The following EPHB2 variants were observed in gnomAD, a reference collection of about 807,000 sequenced individuals.
EPHB2 encodes the protein EPH receptor B2.
In EPHB2, 18 loss-of-function variants were observed where a neutral mutation model predicts 96.4. The observed-to-expected ratio is 0.19, with a 90% CI of 0.13 to 0.28. The LOEUF is 0.28. Among genes scored for constraint, EPHB2 ranks in the 10% least tolerant of loss-of-function variants. EPHB2 has a pLI of 1.00. For synonymous variants in EPHB2, 506 were observed against 534.1 expected (o/e 0.95, Z 0.72); for missense variants, 989 against 1,355.4 (o/e 0.73, Z 4.25).
At chr1:22,811,268 G>A (rs12723359) in intron 3 of EPHB2, among the ~76,000 whole-genome samples, 89,290 of 151,906 alleles carry the variant, frequency 0.59, 27,698 homozygotes, top group Non-Finnish European at 0.7. Context: ...GGCCAAGTTC[G>A]GGTCCAACGT....
intron 1 of EPHB2, among the ~76,000 whole-genome samples, chr1:22,765,591 A>G (rs1466555530): frequency 6.8e-6 from 1 of 147,390 alleles, no homozygotes; most frequent in African/African-American, 2.5e-5. Flanking sequence ...GAGCACCGGC[A>G]TTCTCCTTTG....
At chr1:22,729,691 G>A (rs991721994) in intron 1 of EPHB2, among the ~76,000 whole-genome samples, 1 of 152,186 alleles carries the variant, frequency 6.6e-6, no homozygotes. Context: ...AGTGTTCCCA[G>A]AGCATAGCTC....
rs140847663 is a variant in EPHB2, at chr1:22,897,316, G to A, written c.1765+838G>A. ...CTTACTTCAGCTCACTCAGCAAAAA[G>A]GAGTTCTAAATGGGTCCAACATTCA... On this transcript the variant is annotated intron_variant, in intron 9 of 15. Transcript: ENST00000374630. Among the ~76,000 whole-genome samples, 197 of 152,302 alleles carry A rather than the reference G, an allele frequency of 1.3e-3. 1 individual carries two copies. Among genetic ancestry groups the A allele is most frequent in the African/African-American group, 4.6e-3 (191 of 41,562 alleles).
At chr1:22,724,400 A>G (rs1338236508) in intron 1 of EPHB2, among the ~76,000 whole-genome samples, 1 of 152,208 alleles carries the variant, frequency 6.6e-6, no homozygotes, top group Non-Finnish European at 1.5e-5. Flanking sequence ...TGCCTGGCAC[A>G]CAGTAGGACT....
chr1:22,732,765 T>C (rs1429999765), intron 1 of EPHB2, among the ~76,000 whole-genome samples: 5 of 152,166 alleles, frequency 3.3e-5, no homozygotes, highest in Non-Finnish European at 1.5e-5. Context: ...CATTGATATC[T>C]CCATTGCTCC....
At chr1:22,866,518 C>T (rs913581317) in intron 5 of EPHB2, among the ~76,000 whole-genome samples, 1 of 152,058 alleles carries the variant, frequency 6.6e-6, no homozygotes, top group African/African-American at 2.4e-5. Context: ...CCTGCCTCAG[C>T]CTCCCAAAGT....
intron 3 of EPHB2, among the ~76,000 whole-genome samples, chr1:22,819,411 C>T (rs1475302881): frequency 6.6e-6 from 1 of 152,102 alleles, no homozygotes; most frequent in African/African-American, 2.4e-5. Flanking sequence ...GGATCCAGGT[C>T]GAAGGGCAGT....
intron 1 of EPHB2, among the ~76,000 whole-genome samples, chr1:22,778,240 T>G (rs7541869): frequency 0.69 from 104,640 of 151,972 alleles, 38,216 homozygotes; most frequent in Non-Finnish European, 0.82. Flanking sequence ...TGGCCAGGCT[T>G]GTCTCGAACT....
Position 22,909,015 on chromosome 1 carries a change from CT to C in EPHB2, c.2353-6del, listed in dbSNP as rs1228968044. ...CACCCACAAACCCTCCTCTTTCTGT[CT>C]CCCAGGGCGGAAAGATCCCCATCCG... On this transcript the variant is annotated splice_polypyrimidine_tract_variant and splice_region_variant and intron_variant, in intron 12 of 15. Coordinates refer to ENST00000374630, the MANE Select transcript of EPHB2 (RefSeq NM_017449.5). The C allele has an allele frequency of 2.5e-6, 4 of 1,614,034 alleles. No homozygotes were observed.
rs893046565 is a variant in EPHB2 at position 22,790,694 on chromosome 1, A to G, written c.811+5618A>G. Among the ~76,000 whole-genome samples the G allele has an allele frequency of 6.6e-6, 1 of 152,220 alleles. No homozygotes were observed. The highest frequency in any genetic ancestry group is 1.5e-5 in the Non-Finnish European group (1 of 68,046). On this transcript the variant is annotated intron_variant, in intron 3 of 15. Coordinates refer to ENST00000374630, the MANE Select transcript of EPHB2 (RefSeq NM_017449.5). This position sits in a 1 kb window ranked among gnomAD's most constrained non-coding sequence, Gnocchi z 4.0. ...TTGCTCTGTTCTCTCCCAGTGGCCA[A>G]CCCGCATCTGCGAGGGATCTGGAGG... is the stretch of plus-strand genomic sequence containing the variant.
At chr1:22,834,258 G>C (rs1441083515) in intron 3 of EPHB2, among the ~76,000 whole-genome samples, 3 of 152,098 alleles carry the variant, frequency 2.0e-5, no homozygotes, top group South Asian at 2.1e-4. Context: ...TCTCATACAG[G>C]ACCACAAACC....
intron 3 of EPHB2, among the ~76,000 whole-genome samples, chr1:22,853,898 G>T (rs1358668167): frequency 6.6e-6 from 1 of 152,240 alleles, no homozygotes; most frequent in Non-Finnish European, 1.5e-5. Context: ...GCGAGGCCTG[G>T]GTGCCCCCTT....
rs1042407289 is a variant in EPHB2 at position 22,806,520 on chromosome 1, T to C, written c.811+21444T>C. 6.4e-4 allele frequency among the ~76,000 whole-genome samples: 96 copies of C among 149,586 alleles called. 1 individual carries two copies. The highest frequency in any genetic ancestry group is 1.2e-3 in the East Asian group (6 of 4,882). ...ACGGACGGACGGATGGATGGATGGA[T>C]GGATGGATGGATGGGAAAGGAGTTC... On this transcript the variant is annotated intron_variant, in intron 3 of 15. Coordinates refer to ENST00000374630, the MANE Select transcript of EPHB2 (RefSeq NM_017449.5).
At chr1:22,771,009 T>C (rs1211439995) in intron 1 of EPHB2, among the ~76,000 whole-genome samples, 2 of 152,182 alleles carry the variant, frequency 1.3e-5, no homozygotes, top group African/African-American at 4.8e-5. Context: ...GATTATCTAC[T>C]ATGTGGAGCC....
chr1:22,826,479 T>G (rs1342074169), intron 3 of EPHB2, among the ~76,000 whole-genome samples: 1 of 152,214 alleles, frequency 6.6e-6, no homozygotes, highest in African/African-American at 2.4e-5. Context: ...CAATTTGGTT[T>G]TGACCAGTTC....
intron 1 of EPHB2, among the ~76,000 whole-genome samples, chr1:22,747,398 G>C (rs1643991213): frequency 6.6e-6 from 1 of 152,234 alleles, no homozygotes; most frequent in Non-Finnish European, 1.5e-5. Flanking sequence ...CTTGCCCAAG[G>C]CCCGACTCAA....
At chr1:22,772,027 T>C (rs962905782) in intron 1 of EPHB2, among the ~76,000 whole-genome samples, 1 of 152,012 alleles carries the variant, frequency 6.6e-6, no homozygotes, top group African/African-American at 2.4e-5. Context: ...CTCCCTTCTT[T>C]CCCTTCCCCA....
At chr1:22,764,786 G>A (rs1644283998) in intron 1 of EPHB2, among the ~76,000 whole-genome samples, 1 of 152,078 alleles carries the variant, frequency 6.6e-6, no homozygotes, top group Admixed American at 6.5e-5. Context: ...ACCCTGGGAT[G>A]TGCCGCTGGA....
intron 1 of EPHB2, among the ~76,000 whole-genome samples, chr1:22,720,113 G>T (rs1643417980): frequency 6.6e-6 from 1 of 152,156 alleles, no homozygotes. Flanking sequence ...TGCTAGTCTA[G>T]ACTGCGCCTC....
Sources: allele counts gnomAD v4.1 joint callset (sites outside exome capture counted in the v4.1 genomes callset), GRCh38; gene constraint gnomAD v4.1.1; non-coding constraint Gnocchi (gnomAD v3.1); transcripts MANE v1.5; gene names NCBI Gene and HGNC (gene_info 2026-07-23, HGNC 2026-07-21).